The following FZD6 variants were observed in gnomAD, a reference collection of about 807,000 sequenced individuals.
The protein encoded by FZD6 is frizzled-6.
FZD6 carries 49 observed loss-of-function variants against 61.4 expected under a neutral mutation model. That is an observed-to-expected ratio of 0.80 (90% CI 0.63 to 1.01). The LOEUF is 1.01. Among genes scored for constraint, FZD6 ranks in the 50% least tolerant of loss-of-function variants. The pLI, the probability that FZD6 is intolerant of heterozygous loss-of-function variation, is 0.00. For missense variants in FZD6, 724 were observed against 848.2 expected (o/e 0.85, Z 1.82); for synonymous variants, 265 against 292.2 (o/e 0.91, Z 0.95).
intron 2 of FZD6, among the ~76,000 whole-genome samples, chr8:103,314,269 G>A (rs1189996480): frequency 1.3e-5 from 2 of 152,182 alleles, no homozygotes; most frequent in African/African-American, 4.8e-5. Flanking sequence ...TGGCTTCTGA[G>A]TTAGAAGAAT....
At chr8:103,310,918 CT>C (rs1586509210) in intron 2 of FZD6, among the ~76,000 whole-genome samples, 1 of 152,202 alleles carries the variant, frequency 6.6e-6, no homozygotes, top group African/African-American at 2.4e-5. Flanking sequence ...TCTAGAGTTC[CT>C]CCTGTTTTGC....
At chr8:103,307,901 T>A in intron 2 of FZD6, 1 of 456,102 alleles carries the variant, frequency 2.2e-6, no homozygotes. Context: ...CTTGGGAACT[T>A]ATAAGCAAGG....
At position 103,318,523 on chromosome 8, in the gene FZD6, T is replaced by C. The variant is rs1056622024; in HGVS notation, c.178-67T>C. The stretch of plus-strand genomic sequence containing the variant: ...GTGAAAAAGCATATACTTTAAACAG[T>C]AAATATATTAATTTTATTCATTTGT... On this transcript the variant is annotated intron_variant, in intron 2 of 6. Transcript: ENST00000358755. 6.6e-6 allele frequency: 6 copies of C among 907,992 alleles called. No individual in the cohort carries two copies. In the African/African-American group the frequency reaches 8.3e-5, roughly 13 times the overall value. The allele number at this position is 907,992 out of a possible 1,614,324, so 56.2% of individuals were successfully genotyped here. A position where few individuals can be genotyped will look rare whatever the true frequency, so the allele number is the denominator to read the frequency against.
Position 103,332,858 on chromosome 8 carries a change from G to T in FZD6, c.*1349G>T, listed in dbSNP as rs1292818825. On this transcript the variant is annotated 3_prime_UTR_variant, in exon 7 of 7. Coordinates refer to ENST00000358755, the MANE Select transcript of FZD6 (RefSeq NM_003506.4). Reference sequence around the variant, plus strand: ...TCTTTTCATTAATAAAATTATCTTTGTATAAGAATTATGGAGTATTCTGTG... The same window carrying T: ...TCTTTTCATTAATAAAATTATCTTTTTATAAGAATTATGGAGTATTCTGTG... The T allele has an allele frequency of 6.6e-6, 1 of 152,390 alleles. No homozygotes were observed. The highest frequency in any genetic ancestry group is 2.4e-5 in the African/African-American group (1 of 41,418). 9.4% of individuals were successfully genotyped at this position (152,390 alleles called of 1,614,324 possible).
At position 103,300,061 on chromosome 8, in the gene FZD6, A is replaced by G. The variant is rs1160055495; in HGVS notation, c.-47A>G. On this transcript the variant is annotated 5_prime_UTR_variant, in exon 2 of 7. Transcript: ENST00000358755. ...GGATGGGGATCTTCTGAGGATGCAA[A>G]GAGTGATTCATCCAAGCCATGTGGT... 4 of 1,093,090 alleles carry G rather than the reference A, an allele frequency of 3.7e-6. No individual in the cohort carries two copies. The highest frequency in any genetic ancestry group is 4.3e-6 in the Non-Finnish European group (3 of 704,720). 67.7% of individuals were successfully genotyped at this position (1,093,090 alleles called of 1,614,324 possible). A position where few individuals can be genotyped will look rare whatever the true frequency, so the allele number is the denominator to read the frequency against.
chr8:103,317,320 A>G (rs1417199636), intron 2 of FZD6, among the ~76,000 whole-genome samples: 1 of 152,262 alleles, frequency 6.6e-6, no homozygotes, highest in African/African-American at 2.4e-5. Context: ...GGAAATTTAA[A>G]GGCTCATGGG....
intron 2 of FZD6, among the ~76,000 whole-genome samples, chr8:103,311,553 C>T (rs923028546): frequency 2.0e-5 from 3 of 151,900 alleles, no homozygotes; most frequent in Admixed American, 1.3e-4. Context: ...GTCTGGGCAA[C>T]ACAGACTCTA....
intron 6 of FZD6, among the ~76,000 whole-genome samples, chr8:103,330,831 T>C (rs1459175553): frequency 1.3e-5 from 2 of 152,176 alleles, no homozygotes; most frequent in Non-Finnish European, 2.9e-5. Flanking sequence ...TTCAGCCCTA[T>C]ATATATAAGT....
At chr8:103,326,088 T>C (rs1255270363) in intron 4 of FZD6, among the ~76,000 whole-genome samples, 2 of 152,186 alleles carry the variant, frequency 1.3e-5, no homozygotes, top group Non-Finnish European at 2.9e-5. Context: ...ATATAAAATT[T>C]CTTAAAGCAT....
intron 2 of FZD6, among the ~76,000 whole-genome samples, chr8:103,314,033 AG>A (rs1814567610): frequency 1.3e-5 from 2 of 152,088 alleles, no homozygotes; most frequent in Admixed American, 1.3e-4. Flanking sequence ...TGGCCTCTGA[AG>A]GTATCTGAGT....
At chr8:103,300,960 T>C (rs1814151482) in intron 2 of FZD6, among the ~76,000 whole-genome samples, 2 of 152,180 alleles carry the variant, frequency 1.3e-5, no homozygotes, top group Non-Finnish European at 2.9e-5. Flanking sequence ...AAGCTACCTG[T>C]ACAGACAGGA....
At chr8:103,303,123 G>A (rs827531) in intron 2 of FZD6, among the ~76,000 whole-genome samples, 144,048 of 152,280 alleles carry the variant, frequency 0.95, 68,201 homozygotes, top group East Asian at 1. Flanking sequence ...AAAAGACCTG[G>A]TTCTAGAGCA....
In FZD6 at chr8:103,305,498, C is replaced by T. The variant is rs566521493; in HGVS notation, c.177+5214C>T. Reference sequence around the variant, plus strand: ...TTCCTGCTTTTAGAAGAGTCCAGTCCCTTCCTGCTTTCACCTTTCTTCCAT... The same window carrying T: ...TTCCTGCTTTTAGAAGAGTCCAGTCTCTTCCTGCTTTCACCTTTCTTCCAT... On this transcript the variant is annotated intron_variant, in intron 2 of 6. Transcript: ENST00000358755. 3.3e-5 allele frequency among the ~76,000 whole-genome samples: 5 copies of T among 152,218 alleles called. No individual in the cohort carries two copies. The East Asian group carries it at 7.7e-4, about 23-fold the overall frequency.
At chr8:103,304,165 A>G (rs999940752) in intron 2 of FZD6, among the ~76,000 whole-genome samples, 1 of 152,216 alleles carries the variant, frequency 6.6e-6, no homozygotes, top group Non-Finnish European at 1.5e-5. Context: ...CCTGATGGCT[A>G]TGGCAATGAA....
intron 5 of FZD6, 86 bp from the exon 6 acceptor site, chr8:103,329,569 C>T (rs1308166484): frequency 2.0e-6 from 2 of 985,478 alleles, no homozygotes; most frequent in Non-Finnish European, 3.0e-6. Context: ...GGATTTTTGG[C>T]AAAAGATATG....
Position 103,325,049 on chromosome 8 carries a change from T to TG in FZD6, c.945dup (p.Ser316GlufsTer3). 1 of 1,614,142 alleles carries TG rather than the reference T, an allele frequency of 6.2e-7. No homozygotes were observed. Among genetic ancestry groups the TG allele is most frequent in the Non-Finnish European group, 8.5e-7 (1 of 1,180,006 alleles). Reference sequence around the variant, plus strand: ...TTGGTTCTTAGCTGCAGGAAGAAAATGGAGTTGTGAAGCCATCGAGCAAAA... The same window carrying TG: ...TTGGTTCTTAGCTGCAGGAAGAAAATGGGAGTTGTGAAGCCATCGAGCAAAA... On this transcript the variant is annotated frameshift_variant, in exon 4 of 7. Coordinates refer to ENST00000358755, the MANE Select transcript of FZD6 (RefSeq NM_003506.4). LOFTEE classifies it high-confidence loss of function.
chr8:103,320,232 G>A (rs1019985018), intron 3 of FZD6, among the ~76,000 whole-genome samples: 1 of 152,182 alleles, frequency 6.6e-6, no homozygotes, highest in Non-Finnish European at 1.5e-5. Flanking sequence ...ATATGTGTTC[G>A]AGAGAAGTGG....
At position 103,306,314 on chromosome 8, in the gene FZD6, G is replaced by A. The variant is rs563097694; in HGVS notation, c.177+6030G>A. 5.9e-5 allele frequency among the ~76,000 whole-genome samples: 9 copies of A among 152,026 alleles called. No individual in the cohort carries two copies. The East Asian group carries it at 1.4e-3, about 23-fold the overall frequency. The stretch of plus-strand genomic sequence containing the variant: ...GACTTGCCTGAGATTGATCACATTC[G>A]TGAAAATAGGTAGCAAAATTTGCAC... On this transcript the variant is annotated intron_variant, in intron 2 of 6. Transcript: ENST00000358755.
intron 2 of FZD6, among the ~76,000 whole-genome samples, chr8:103,300,969 G>C (rs1388501702): frequency 6.6e-6 from 1 of 152,112 alleles, no homozygotes; most frequent in African/African-American, 2.4e-5. Flanking sequence ...GTACAGACAG[G>C]AACCTGCCTT....
Sources: allele counts gnomAD v4.1 joint callset (sites outside exome capture counted in the v4.1 genomes callset), GRCh38; gene constraint gnomAD v4.1.1; transcripts MANE v1.5; gene names NCBI Gene and HGNC (gene_info 2026-07-23, HGNC 2026-07-21).